IL1RAPL1: variants seen among roughly 807,000 people sequenced by gnomAD.
IL1RAPL1 encodes interleukin 1 receptor accessory protein like 1.
IL1RAPL1 carries 3 observed loss-of-function variants against 48.4 expected under a neutral mutation model. That is an observed-to-expected ratio of 0.06 (90% CI 0.03 to 0.16). The LOEUF is 0.16. Ranked by LOEUF, IL1RAPL1 falls within the 10% of genes least tolerant of loss-of-function variation. The probability of loss-of-function intolerance (pLI) is 1.00; values close to 1 mark genes in which losing one functional copy is unlikely to be tolerated. For synonymous variants in IL1RAPL1, 185 were observed against 187.7 expected (o/e 0.99, Z 0.12); for missense variants, 349 against 530.6 (o/e 0.66, Z 3.36).
At chrX:29,227,108 A>G (rs866129078) in intron 2 of IL1RAPL1, among the ~76,000 whole-genome samples, 8 of 110,557 alleles carry the variant, frequency 7.2e-5, no homozygotes, top group Non-Finnish European at 1.3e-4. Context: ...TTATTAGAAT[A>G]ATCAACATTC....
chrX:28,677,442 G>A (rs368833826), intron 1 of IL1RAPL1, among the ~76,000 whole-genome samples: 15 of 111,866 alleles, frequency 1.3e-4, no homozygotes, highest in Non-Finnish European at 1.9e-4. Flanking sequence ...GAATTGATTC[G>A]TATGTCTTTG....
At chrX:29,947,409 A>G (rs894142044) in intron 9 of IL1RAPL1, among the ~76,000 whole-genome samples, 2 of 111,485 alleles carry the variant, frequency 1.8e-5, no homozygotes, top group African/African-American at 6.5e-5. Flanking sequence ...GGGCAAGCTT[A>G]TAAGAACACT....
At chrX:29,128,404 C>T (rs771905883) in intron 2 of IL1RAPL1, among the ~76,000 whole-genome samples, 6 of 111,526 alleles carry the variant, frequency 5.4e-5, no homozygotes, top group African/African-American at 2.0e-4. Flanking sequence ...AAGAACGTGC[C>T]ATATTCTCTC....
At chrX:28,727,746 G>C (rs1005706479) in intron 1 of IL1RAPL1, among the ~76,000 whole-genome samples, 10 of 110,250 alleles carry the variant, frequency 9.1e-5, no homozygotes, top group Non-Finnish European at 3.8e-5. Flanking sequence ...TAGCATGAAG[G>C]GCTGTTGAAT....
At chrX:29,892,735 A>T (rs1358425047) in intron 6 of IL1RAPL1, among the ~76,000 whole-genome samples, 2 of 112,334 alleles carry the variant, frequency 1.8e-5, no homozygotes, top group East Asian at 5.6e-4. Context: ...CAATGTGAGG[A>T]TGGCAAAAGA....
At chrX:29,102,137 AC>A (rs1030117082) in intron 2 of IL1RAPL1, among the ~76,000 whole-genome samples, 3 of 110,783 alleles carry the variant, frequency 2.7e-5, no homozygotes, top group South Asian at 3.9e-4. Flanking sequence ...TTAAAAAAAA[AC>A]ACCCTTAAAA....
At chrX:29,200,712 C>T (rs1011675636) in intron 2 of IL1RAPL1, among the ~76,000 whole-genome samples, 28 of 111,825 alleles carry the variant, frequency 2.5e-4, no homozygotes, top group African/African-American at 4.5e-4. Flanking sequence ...AAAACTATGA[C>T]GCTCATATTA....
chrX:28,851,225 T>A (rs2147297040), intron 2 of IL1RAPL1, among the ~76,000 whole-genome samples: 1 of 109,464 alleles, frequency 9.1e-6, no homozygotes, highest in Non-Finnish European at 1.9e-5. Context: ...AATGAGACAT[T>A]TACCATCCCC....
At chrX:28,853,473 C>T (rs1455765355) in intron 2 of IL1RAPL1, among the ~76,000 whole-genome samples, 1 of 78,081 alleles carries the variant, frequency 1.3e-5, no homozygotes, top group East Asian at 5.2e-4. Flanking sequence ...GCAATCCCCT[C>T]AGTGCATGTG....
At chrX:29,693,817 CTT>C (rs751463248) in intron 6 of IL1RAPL1, among the ~76,000 whole-genome samples, 2 of 98,870 alleles carry the variant, frequency 2.0e-5, no homozygotes. Flanking sequence ...TGATTCATTT[CTT>C]TTTTTTTTTT....
At chrX:28,999,742 TTTACCCCGTAA>T (rs1391630981) in intron 2 of IL1RAPL1, among the ~76,000 whole-genome samples, 1 of 112,016 alleles carries the variant, frequency 8.9e-6, no homozygotes, top group African/African-American at 3.2e-5. Context: ...TTACAATGTT[TTTACCCCGTAA>T]TACTAATCAT....
chrX:29,730,655 A>C (rs1927893780), intron 6 of IL1RAPL1, among the ~76,000 whole-genome samples: 1 of 112,327 alleles, frequency 8.9e-6, no homozygotes, highest in Admixed American at 9.5e-5. Context: ...TTCAGGGCCA[A>C]GAAAGTAGTT....
At chrX:29,582,102 G>A (rs1280076251) in intron 5 of IL1RAPL1, among the ~76,000 whole-genome samples, 1 of 111,226 alleles carries the variant, frequency 9.0e-6, no homozygotes, top group African/African-American at 3.3e-5. Flanking sequence ...AGTGCAAGAC[G>A]AGGAAAGCAT....
intron 3 of IL1RAPL1, among the ~76,000 whole-genome samples, chrX:29,288,340 G>A (rs1932316477): frequency 9.1e-6 from 1 of 110,481 alleles, no homozygotes; most frequent in South Asian, 3.9e-4. Context: ...GCCCCAGTGT[G>A]TGTTGTTCCC....
At chrX:28,986,823 T>C (rs779295910) in intron 2 of IL1RAPL1, among the ~76,000 whole-genome samples, 4 of 112,139 alleles carry the variant, frequency 3.6e-5, no homozygotes, top group Non-Finnish European at 3.8e-5. Context: ...GTATAGTCAA[T>C]TGGTATTATG....
chrX:28,676,281 G>A (rs998414298), intron 1 of IL1RAPL1, among the ~76,000 whole-genome samples: 3 of 111,542 alleles, frequency 2.7e-5, no homozygotes, highest in Non-Finnish European at 5.7e-5. Flanking sequence ...ACAGAAGGAA[G>A]GATTCACATC....
chrX:28,745,247 G>T (rs1935960210), intron 1 of IL1RAPL1, among the ~76,000 whole-genome samples: 1 of 111,833 alleles, frequency 8.9e-6, no homozygotes, highest in East Asian at 2.8e-4. Flanking sequence ...ACCCAGGGCA[G>T]CCCAAATTCT....
chrX:29,147,655 C>T lies in IL1RAPL1; in HGVS notation c.83-135283C>T, dbSNP rs1272332513. Among the ~76,000 whole-genome samples, 3 of 111,999 alleles carry T rather than the reference C, an allele frequency of 2.7e-5. No homozygotes were observed. In the East Asian group the frequency reaches 8.4e-4, roughly 31 times the overall value. The stretch of plus-strand genomic sequence containing the variant: ...AATTCATCATTGTTATGTTTTCTTG[C>T]CACAGTTTATTCTCTTCTGCATTCT... On this transcript the variant is annotated intron_variant, in intron 2 of 10. Coordinates refer to ENST00000378993, the MANE Select transcript of IL1RAPL1 (RefSeq NM_014271.4).
At chrX:29,906,061 C>G (rs1022874680) in intron 6 of IL1RAPL1, among the ~76,000 whole-genome samples, 2 of 110,255 alleles carry the variant, frequency 1.8e-5, no homozygotes, top group Non-Finnish European at 3.8e-5. Flanking sequence ...TTTACAGAGT[C>G]AAAATATAGT....
Sources: gnomAD v4.1 joint callset for allele counts (sites outside exome capture counted in the v4.1 genomes callset) on GRCh38, gnomAD v4.1.1 for gene constraint, MANE v1.5 for transcripts, NCBI Gene and HGNC (gene_info 2026-07-23, HGNC 2026-07-21) for gene names.